The following NR1I2 variants were observed in gnomAD, a reference collection of about 807,000 sequenced individuals.
NR1I2 encodes the protein nuclear receptor subfamily 1 group I member 2, also known as orphan nuclear receptor PAR1.
Under a neutral mutation model 43.3 loss-of-function variants are expected in NR1I2, and 42 were observed. The observed-to-expected ratio is 0.97, with a 90% CI of 0.76 to 1.26. NR1I2 has a LOEUF of 1.26. Ranked by LOEUF, NR1I2 falls within the 50% of genes most tolerant of loss-of-function variation. The probability of loss-of-function intolerance (pLI) is 0.00; values close to 1 mark genes in which losing one functional copy is unlikely to be tolerated. For synonymous variants in NR1I2, 229 were observed against 215.0 expected, an observed-to-expected ratio of 1.06 and a Z score of -0.57; for missense variants, 559 against 566.7, an observed-to-expected ratio of 0.99 and a Z score of 0.14.
At position 119,810,176 on chromosome 3, in the gene NR1I2, A is replaced by G. The variant is rs2055218962; in HGVS notation, c.313A>G (p.Ser105Gly). The change falls in exon 3 of 9, where the codon AGC (serine) becomes GGC (glycine). Residue 105 changes from serine to glycine, a missense_variant. Transcript: ENST00000393716. ...CTGCCGCCTGCGCAAGTGCCTGGAG[A>G]GCGGCATGAAGAAGGAGAGTGAGCA... The G allele has an allele frequency of 6.2e-7, 1 of 1,609,660 alleles. No homozygotes were observed. Among genetic ancestry groups the G allele is most frequent in the Admixed American group, 1.7e-5 (1 of 59,406 alleles).
chr3:119,814,755 G>A lies in NR1I2; in HGVS notation c.795-224G>A, dbSNP rs561685408. 1.6e-3 allele frequency among the ~76,000 whole-genome samples: 244 copies of A among 152,284 alleles called. 1 individual carries two copies. Among genetic ancestry groups the A allele is most frequent in the Admixed American group, 4.4e-3 (67 of 15,284 alleles). On this transcript the variant is annotated intron_variant, in intron 5 of 8. Transcript: ENST00000393716. ...GCCAAGCTCAGTGGGTGGAGTTCCC[G>A]GAGGTTGGAGGGGAGGAGAGGATGC...
In NR1I2 at chr3:119,804,859, T is replaced by G. The variant is rs1171206657; in HGVS notation, c.-22-2370T>G. On this transcript the variant is annotated intron_variant, in intron 1 of 8. Transcript: ENST00000393716. Reference sequence around the variant, plus strand: ...TTTTTTCCTTCCATTTTTTCCTTTCTATTAGCTTCCAAGTTATGCATTCTA... The same window carrying G: ...TTTTTTCCTTCCATTTTTTCCTTTCGATTAGCTTCCAAGTTATGCATTCTA... Among the ~76,000 whole-genome samples, 3 of 152,182 alleles carry G rather than the reference T, an allele frequency of 2.0e-5. No homozygotes were observed. The East Asian group carries it at 5.8e-4, about 29-fold the overall frequency.
intron 1 of NR1I2, chr3:119,782,979 G>T: frequency 5.0e-6 from 4 of 793,566 alleles, no homozygotes; most frequent in South Asian, 4.4e-5. Flanking sequence ...TGAAGCTATG[G>T]CCAGAGGCAC....
rs1402329533 is a variant in NR1I2, at chr3:119,815,824, G to A, written c.1153G>A (p.Ala385Thr). 2 of 1,607,818 alleles carry A rather than the reference G, an allele frequency of 1.2e-6. No individual in the cohort carries two copies. The highest frequency in any genetic ancestry group is 1.7e-6 in the Non-Finnish European group (2 of 1,176,828). Residue 385 changes from alanine to threonine, a missense_variant, in exon 8 of 9, where the codon GCT becomes ACT. Physicochemically the swap from Ala to Thr is moderately conservative, Grantham distance 58. Transcript: ENST00000393716. ...CATTGAATGCAATCGGCCCCAGCCT[G>A]CTCATAGGTGAGCACAGCAGGGGGT...
intron 1 of NR1I2, among the ~76,000 whole-genome samples, chr3:119,803,871 C>T (rs1001346236): frequency 2.6e-5 from 4 of 151,968 alleles, no homozygotes; most frequent in African/African-American, 9.7e-5. Flanking sequence ...GATTCTCATG[C>T]CTCAGCCTCC....
chr3:119,814,132 C>T (rs1382817120), intron 5 of NR1I2, among the ~76,000 whole-genome samples: 5 of 152,060 alleles, frequency 3.3e-5, no homozygotes, highest in African/African-American at 7.2e-5. Context: ...GAAGGATGGG[C>T]GCCAGTAGCA....
chr3:119,792,491 C>A, intron 1 of NR1I2: 1 of 1,073,894 alleles, frequency 9.3e-7, no homozygotes, highest in Non-Finnish European at 1.4e-6. Context: ...CCAGCTCTCT[C>A]GCTCTTGGAA....
intron 1 of NR1I2, among the ~76,000 whole-genome samples, chr3:119,796,460 C>G (rs2055000748): frequency 6.6e-6 from 1 of 152,192 alleles, no homozygotes; most frequent in Non-Finnish European, 1.5e-5. Context: ...CTTCGCATCC[C>G]TTCCTTGCTC....
At chr3:119,794,492 C>CT (rs35100139) in intron 1 of NR1I2, among the ~76,000 whole-genome samples, 19,140 of 136,170 alleles carry the variant, frequency 0.14, 1,473 homozygotes, top group East Asian at 0.22. Context: ...CTCACCCAGC[C>CT]TTTTTTTTTT....
chr3:119,794,757 G>A (rs2054972927), intron 1 of NR1I2, among the ~76,000 whole-genome samples: 1 of 152,152 alleles, frequency 6.6e-6, no homozygotes, highest in African/African-American at 2.4e-5. Flanking sequence ...GGCCAACATG[G>A]TGAAAAACCT....
At position 119,810,147 on chromosome 3, in the gene NR1I2, A is replaced by T. The variant is rs2055218020; in HGVS notation, c.284A>T (p.Gln95Leu). Residue 95 changes from glutamine to leucine, a missense_variant, in exon 3 of 9, where the codon CAG becomes CTG. Transcript: ENST00000393716. Reference sequence around the variant, plus strand: ...ACCCGGAAGACCCGGCGACAGTGCCAGGCCTGCCGCCTGCGCAAGTGCCTG... The same window carrying T: ...ACCCGGAAGACCCGGCGACAGTGCCTGGCCTGCCGCCTGCGCAAGTGCCTG... The T allele has an allele frequency of 3.7e-6, 6 of 1,612,924 alleles. No individual in the cohort carries two copies. In the East Asian group the frequency reaches 1.3e-4, roughly 36 times the overall value.
chr3:119,782,999 G>T (rs543344346), intron 1 of NR1I2: 2 of 717,692 alleles, frequency 2.8e-6, no homozygotes. Flanking sequence ...CTGCTTTAAG[G>T]CCACTCCATA....
At chr3:119,785,689 A>G (rs2054833905) in intron 1 of NR1I2, among the ~76,000 whole-genome samples, 2 of 152,136 alleles carry the variant, frequency 1.3e-5, no homozygotes. Context: ...TCCCTTTCTC[A>G]TGCCTCTGGC....
At chr3:119,801,913 G>A (rs960737942) in intron 1 of NR1I2, among the ~76,000 whole-genome samples, 10 of 152,276 alleles carry the variant, frequency 6.6e-5, no homozygotes, top group East Asian at 1.9e-4. Context: ...TGGCCTCTCC[G>A]CATGGTCTCT....
At chr3:119,810,333 C>T in intron 3 of NR1I2, 139 bp downstream of exon 3, 1 of 1,344,968 alleles carries the variant, frequency 7.4e-7, no homozygotes, top group South Asian at 1.5e-5. Flanking sequence ...AGCTGGTGTC[C>T]GTGTGCAACA....
At chr3:119,800,822 A>T (rs934695276) in intron 1 of NR1I2, among the ~76,000 whole-genome samples, 1 of 152,230 alleles carries the variant, frequency 6.6e-6, no homozygotes, top group Non-Finnish European at 1.5e-5. Context: ...ACATTAAAGG[A>T]GTCCCATGGC....
rs114545122 is a variant in NR1I2 at position 119,812,958 on chromosome 3, C to T, written c.792C>T (p.Phe264=). The change falls in exon 5 of 9, where the codon TTC becomes TTT. Residue 264 remains phenylalanine, a splice_region_variant and synonymous_variant. Coordinates refer to ENST00000393716, the MANE Select transcript of NR1I2 (RefSeq NM_003889.4). ...GCTTTGCCAAAGTCATCTCCTACTT[C>T]AGGTAGGACATGGAGACTGGGTGGT... 1,365 of 1,613,054 alleles carry T rather than the reference C, an allele frequency of 8.5e-4. No homozygotes were observed. The highest frequency in any genetic ancestry group is 1.1e-3 in the Non-Finnish European group (1,240 of 1,179,936).
chr3:119,792,353 G>C (rs981475473), intron 1 of NR1I2: 1 of 1,408,344 alleles, frequency 7.1e-7, no homozygotes, highest in African/African-American at 1.4e-5. Context: ...TCAGGAAGGA[G>C]TTCACAGAAG....
In NR1I2 at chr3:119,787,425, G is replaced by T. The variant is rs145229152; in HGVS notation, c.-23+5125G>T. ...CCTTATTCAACTTGGGATAAGCCCTGCCCTGCCTTCCTCACAGGCACCTTG... is the reference window on the plus strand; with the variant it reads ...CCTTATTCAACTTGGGATAAGCCCTTCCCTGCCTTCCTCACAGGCACCTTG... On this transcript the variant is annotated intron_variant, in intron 1 of 8. Coordinates refer to ENST00000393716, the MANE Select transcript of NR1I2 (RefSeq NM_003889.4). Among the ~76,000 whole-genome samples, 343 of 152,148 alleles carry T rather than the reference G, an allele frequency of 2.3e-3. 2 individuals carry two copies. The highest frequency in any genetic ancestry group is 8.0e-3 in the African/African-American group (332 of 41,512).
Sources: gnomAD v4.1 joint callset for allele counts (sites outside exome capture counted in the v4.1 genomes callset) on GRCh38, gnomAD v4.1.1 for gene constraint, MANE v1.5 for transcripts, NCBI Gene and HGNC (gene_info 2026-07-23, HGNC 2026-07-21) for gene names.